Variants in CDH2 observed in about 807,000 individuals in gnomAD.
The protein encoded by CDH2 is cadherin-2.
A neutral mutation model predicts 92.0 loss-of-function variants in CDH2; 17 were observed. The observed-to-expected ratio is 0.18, with a 90% CI of 0.13 to 0.28. The LOEUF is 0.28. CDH2 is among the 10% of genes least tolerant of loss of function. CDH2 has a pLI of 1.00. For synonymous variants in CDH2, 419 were observed against 415.9 expected (o/e 1.01, Z -0.09); for missense variants, 862 against 1,133.1 (o/e 0.76, Z 3.44).
intron 1 of CDH2, chr18:28,159,330 T>A (rs1224176247): frequency 6.6e-6 from 1 of 152,244 alleles, no homozygotes; most frequent in Non-Finnish European, 1.5e-5. Flanking sequence ...GTCTTTGAAA[T>A]GCTGGGATTC....
chr18:27,960,056 A>G (rs1305048727), intron 15 of CDH2, among the ~76,000 whole-genome samples: 1 of 151,616 alleles, frequency 6.6e-6, no homozygotes, highest in Non-Finnish European at 1.5e-5. Flanking sequence ...ACAAACACAC[A>G]CTCGTGGATT....
rs565517857 is a variant in CDH2, at chr18:28,126,536, A to G, written c.172+21137T>C. 1.3e-3 allele frequency among the ~76,000 whole-genome samples: 192 copies of G among 152,180 alleles called. 1 individual carries two copies. Among genetic ancestry groups the G allele is most frequent in the Non-Finnish European group, 1.9e-3 (131 of 68,042 alleles). The stretch of plus-strand genomic sequence containing the variant: ...GCTAAGTAATACATCTAAAACCCCG[A>G]GACATTATCTGGAATTCATGCAAAT... On this transcript the variant is annotated intron_variant, in intron 2 of 15. Coordinates refer to ENST00000269141, the MANE Select transcript of CDH2 (RefSeq NM_001792.5).
intron 6 of CDH2, among the ~76,000 whole-genome samples, chr18:27,944,399 T>C (rs1191261901): frequency 1.3e-5 from 2 of 152,222 alleles, no homozygotes; most frequent in Non-Finnish European, 2.9e-5. Flanking sequence ...CATTAATTCC[T>C]GAATTCCTGA....
chr18:28,062,669 C>T (rs923859505), intron 2 of CDH2, among the ~76,000 whole-genome samples: 1 of 152,098 alleles, frequency 6.6e-6, no homozygotes, highest in African/African-American at 2.4e-5. Context: ...TGAACTATCA[C>T]CAGTTGAGAA....
intron 1 of CDH2, among the ~76,000 whole-genome samples, chr18:28,154,445 C>G (rs2016176264): frequency 6.6e-6 from 1 of 152,224 alleles, no homozygotes; most frequent in Non-Finnish European, 1.5e-5. Context: ...TTTCCTCTTA[C>G]AAGTATTTAC....
intron 2 of CDH2, among the ~76,000 whole-genome samples, chr18:28,142,578 A>T (rs997441586): frequency 6.6e-6 from 1 of 151,810 alleles, no homozygotes; most frequent in East Asian, 1.9e-4. Flanking sequence ...CAAACAAAAA[A>T]TACCCCAAGG....
At chr18:27,933,206 C>T (rs1598973137) in intron 6 of CDH2, among the ~76,000 whole-genome samples, 3 of 152,218 alleles carry the variant, frequency 2.0e-5, no homozygotes, top group Admixed American at 2.0e-4. Flanking sequence ...AGGAGGTATA[C>T]TGATGGTAAT....
intron 1 of CDH2, among the ~76,000 whole-genome samples, chr18:28,175,648 C>G (rs1000881629): frequency 3.3e-5 from 5 of 152,176 alleles, no homozygotes; most frequent in Non-Finnish European, 7.3e-5. Flanking sequence ...CCGGAGCGCG[C>G]CAGGCCCTGA....
At chr18:28,081,769 C>T (rs531243423) in intron 2 of CDH2, among the ~76,000 whole-genome samples, 2 of 152,232 alleles carry the variant, frequency 1.3e-5, no homozygotes, top group Admixed American at 1.3e-4. Context: ...CATAAGTTGA[C>T]AATGGTTTAA....
chr18:27,977,322 T>C (rs1053566096), intron 14 of CDH2, among the ~76,000 whole-genome samples: 6 of 152,196 alleles, frequency 3.9e-5, no homozygotes, highest in African/African-American at 7.2e-5. Flanking sequence ...ATCTCTGTTA[T>C]ACACAAGGTA....
chr18:28,160,160 A>AT (rs2016284788), intron 1 of CDH2, among the ~76,000 whole-genome samples: 1 of 146,774 alleles, frequency 6.8e-6, no homozygotes, highest in African/African-American at 2.7e-5. Flanking sequence ...CGAGAAAAAA[A>AT]TAAAAAAAAA....
chr18:27,989,774 C>T (rs1001751540), intron 10 of CDH2, among the ~76,000 whole-genome samples: 4 of 152,000 alleles, frequency 2.6e-5, no homozygotes, highest in Non-Finnish European at 4.4e-5. Context: ...AAGTTCCCTG[C>T]GGAACCTTTT....
chr18:28,125,178 TG>T (rs1316356524), intron 2 of CDH2, among the ~76,000 whole-genome samples: 3 of 152,162 alleles, frequency 2.0e-5, no homozygotes, highest in African/African-American at 7.2e-5. Context: ...CAACTTCTGG[TG>T]GGAATACATT....
intron 2 of CDH2, among the ~76,000 whole-genome samples, chr18:28,098,403 T>A (rs974144684): frequency 2.6e-5 from 4 of 152,280 alleles, no homozygotes; most frequent in South Asian, 2.1e-4. Flanking sequence ...CTAGAAGAAA[T>A]GCAAAGTTAG....
At chr18:28,145,052 G>A (rs2016014112) in intron 2 of CDH2, among the ~76,000 whole-genome samples, 1 of 151,990 alleles carries the variant, frequency 6.6e-6, no homozygotes, top group Non-Finnish European at 1.5e-5. Flanking sequence ...TGTTCCTCAA[G>A]CATTTTTGCA....
intron 2 of CDH2, among the ~76,000 whole-genome samples, chr18:28,091,284 CCT>C (rs1398916816): frequency 2.0e-5 from 3 of 152,148 alleles, no homozygotes; most frequent in Non-Finnish European, 2.9e-5. Flanking sequence ...TCATTTCCCC[CCT>C]CTGTTCTTAA....
At chr18:28,111,472 T>C (rs2015412332) in intron 2 of CDH2, among the ~76,000 whole-genome samples, 1 of 152,186 alleles carries the variant, frequency 6.6e-6, no homozygotes, top group African/African-American at 2.4e-5. Flanking sequence ...AAGCACTCCG[T>C]CCTATAATTT....
intron 2 of CDH2, among the ~76,000 whole-genome samples, chr18:28,108,937 A>G (rs2144249522): frequency 6.6e-6 from 1 of 152,236 alleles, no homozygotes; most frequent in East Asian, 1.9e-4. Context: ...ATAAAACTCA[A>G]GTTTAGTCAT....
intron 2 of CDH2, among the ~76,000 whole-genome samples, chr18:28,073,462 T>C (rs1412997349): frequency 1.3e-5 from 2 of 152,186 alleles, no homozygotes; most frequent in Non-Finnish European, 2.9e-5. Flanking sequence ...CTTGAAGATA[T>C]AGAAAATAAA....
Sources: allele counts gnomAD v4.1 joint callset (sites outside exome capture counted in the v4.1 genomes callset), GRCh38; gene constraint gnomAD v4.1.1; transcripts MANE v1.5; gene names NCBI Gene and HGNC (gene_info 2026-07-23, HGNC 2026-07-21).